S100A8: variants seen among roughly 807,000 people sequenced by gnomAD.
The protein encoded by S100A8 is protein S100-A8.
A neutral mutation model predicts 4.2 loss-of-function variants in S100A8; 1 was observed. The ratio of observed to expected loss-of-function variants is 0.24; its 90% CI spans 0.08 to 1.12. S100A8 has a LOEUF of 1.12. S100A8 is among the 50% of genes most tolerant of loss of function. S100A8 has a pLI of 0.53. For missense variants in S100A8, 96 were observed against 111.8 expected, an observed-to-expected ratio of 0.86 and a Z score of 0.64; for synonymous variants, 41 against 44.7, an observed-to-expected ratio of 0.92 and a Z score of 0.33.
At chr1:153,421,590 G>T in the S100A8 span, 1 of 152,206 alleles carries the variant, frequency 6.6e-6, no homozygotes, top group Non-Finnish European at 1.5e-5. Flanking sequence ...GTGCAGCTTA[G>T]GGGAGGACCC....
chr1:153,400,187 G>A, the S100A8 span, among the ~76,000 whole-genome samples: 1 of 152,164 alleles, frequency 6.6e-6, no homozygotes, highest in Non-Finnish European at 1.5e-5. Context: ...AGCTAATAGA[G>A]GATTTTTTAA....
the S100A8 span, among the ~76,000 whole-genome samples, chr1:153,408,085 T>C: frequency 0.012 from 1,860 of 152,236 alleles, 41 homozygotes; most frequent in African/African-American, 0.042. Flanking sequence ...GGAACGCAGC[T>C]CCTCACCAGC....
upstream of S100A8, among the ~76,000 whole-genome samples, chr1:153,392,488 T>C (rs183709018): frequency 2.0e-5 from 3 of 152,334 alleles, no homozygotes; most frequent in Admixed American, 6.5e-5. Context: ...CCTGGGTATA[T>C]ATGCAAAAGA....
the S100A8 span, among the ~76,000 whole-genome samples, chr1:153,407,238 C>T: frequency 1.6e-4 from 25 of 152,312 alleles, no homozygotes; most frequent in African/African-American, 4.6e-4. Context: ...CCGTGACAGA[C>T]GGCACCTGGA....
At chr1:153,418,019 C>A in the S100A8 span, 3,455 of 1,605,134 alleles carry the variant, frequency 2.2e-3, 71 homozygotes, top group African/African-American at 0.04. Context: ...CACATAGAGA[C>A]CTTAATTCAA....
the S100A8 span, among the ~76,000 whole-genome samples, chr1:153,412,633 G>A: frequency 1.3e-5 from 2 of 152,100 alleles, no homozygotes; most frequent in Non-Finnish European, 2.9e-5. Context: ...CATATTACTG[G>A]GTATATACCC....
chr1:153,402,541 G>A, the S100A8 span, among the ~76,000 whole-genome samples: 9 of 152,188 alleles, frequency 5.9e-5, no homozygotes, highest in Non-Finnish European at 1.2e-4. Context: ...CAGAAAGACA[G>A]GAGATGAGGT....
the S100A8 span, chr1:153,421,639 G>A: frequency 5.1e-4 from 77 of 152,332 alleles, no homozygotes; most frequent in African/African-American, 1.8e-3. Flanking sequence ...AGGCCAGAAA[G>A]GATAAGGCAA....
chr1:153,418,247 A>T, the S100A8 span: 10 of 1,613,514 alleles, frequency 6.2e-6, no homozygotes, highest in African/African-American at 1.3e-5. Context: ...TAGCTTCTCA[A>T]TGTTGGTTGG....
the S100A8 span, among the ~76,000 whole-genome samples, chr1:153,407,403 G>A: frequency 7.2e-5 from 11 of 152,332 alleles, no homozygotes; most frequent in East Asian, 1.9e-4. Flanking sequence ...ACTGCACGGC[G>A]GCAGTGAGGC....
the S100A8 span, among the ~76,000 whole-genome samples, chr1:153,415,716 G>C: frequency 0.11 from 16,697 of 149,296 alleles, 936 homozygotes; most frequent in Middle Eastern, 0.12. Flanking sequence ...CATGGGGCGG[G>C]GGGGGCGGGG....
the S100A8 span, chr1:153,422,503 T>A: frequency 1.0e-6 from 1 of 984,858 alleles, no homozygotes; most frequent in South Asian, 4.7e-5. Flanking sequence ...TTGACAGCTC[T>A]ATGCCCACAC....
At chr1:153,406,171 A>C in the S100A8 span, among the ~76,000 whole-genome samples, 5 of 152,058 alleles carry the variant, frequency 3.3e-5, no homozygotes, top group Non-Finnish European at 5.9e-5. Context: ...AAATTCCCAC[A>C]CACTTTATCT....
chr1:153,414,188 A>G, the S100A8 span, among the ~76,000 whole-genome samples: 2 of 152,230 alleles, frequency 1.3e-5, no homozygotes, highest in Non-Finnish European at 1.5e-5. Flanking sequence ...AAATTTGATC[A>G]TCTTGGTTTT....
At chr1:153,412,646 G>T in the S100A8 span, among the ~76,000 whole-genome samples, 1 of 152,136 alleles carries the variant, frequency 6.6e-6, no homozygotes, top group Non-Finnish European at 1.5e-5. Context: ...ATATACCCAA[G>T]GGATTATAAA....
At chr1:153,393,285 G>A (rs1662144128), upstream of S100A8, among the ~76,000 whole-genome samples, 1 of 152,042 alleles carries the variant, frequency 6.6e-6, no homozygotes, top group South Asian at 2.1e-4. Flanking sequence ...TCTCCTCCAT[G>A]CTACCCAAAT....
At chr1:153,408,815 C>A in the S100A8 span, among the ~76,000 whole-genome samples, 3 of 152,166 alleles carry the variant, frequency 2.0e-5, no homozygotes, top group African/African-American at 7.2e-5. Context: ...AGAGTCGGGG[C>A]CAATATTCAA....
chr1:153,401,472 T>C, the S100A8 span, among the ~76,000 whole-genome samples: 1 of 152,162 alleles, frequency 6.6e-6, no homozygotes, highest in Admixed American at 6.5e-5. Flanking sequence ...GTGCCAAGCA[T>C]GCATCTCCCA....
chr1:153,407,583 C>T, the S100A8 span, among the ~76,000 whole-genome samples: 1 of 152,226 alleles, frequency 6.6e-6, no homozygotes, highest in East Asian at 1.9e-4. Flanking sequence ...CTTCTGCAGG[C>T]TTAAGCGTCC....
Sources: gnomAD v4.1 joint callset for allele counts (sites outside exome capture counted in the v4.1 genomes callset) on GRCh38, gnomAD v4.1.1 for gene constraint, MANE v1.5 for transcripts, NCBI Gene and HGNC (gene_info 2026-07-23, HGNC 2026-07-21) for gene names.